SYNJ2: variants seen among roughly 807,000 people sequenced by gnomAD.
SYNJ2 encodes synaptojanin 2.
In SYNJ2, 116 loss-of-function variants were observed where a neutral mutation model predicts 141.3. That is an observed-to-expected ratio of 0.82 (90% CI 0.71 to 0.96). The LOEUF (loss-of-function observed/expected upper bound fraction) is 0.96, where lower values mean the gene tolerates loss of function less well. SYNJ2 is among the 40% of genes least tolerant of loss of function. SYNJ2 has a pLI of 0.00. For synonymous variants in SYNJ2, 745 were observed against 777.7 expected (o/e 0.96, Z 0.70); for missense variants, 1,873 against 1,934.8 (o/e 0.97, Z 0.60).
intron 12 of SYNJ2, chr6:158,067,562 T>C (rs1331171680): frequency 3.0e-6 from 3 of 985,276 alleles, no homozygotes; most frequent in African/African-American, 3.5e-5. Flanking sequence ...GGTTTTTTTG[T>C]TTGTTTGTTT....
Position 158,033,627 on chromosome 6 carries a change from AC to A in SYNJ2, c.661del (p.Arg221ValfsTer3), listed in dbSNP as rs1290906524. The A allele has an allele frequency of 1.9e-6, 3 of 1,613,260 alleles. No homozygotes were observed. The East Asian group carries it at 6.7e-5, about 36-fold the overall frequency. On this transcript the variant is annotated frameshift_variant, in exon 4 of 27. Transcript: ENST00000355585. LOFTEE classifies it high-confidence loss of function. ...SCERTGTRFH[T>X]RGVNDDGHVS... ...TGAGCGCACAGGCACTCGCTTCCAC[AC>A]CCGTGGCGTGAACGACGACGGCCAT...
intron 3 of SYNJ2, among the ~76,000 whole-genome samples, chr6:158,029,622 G>A (rs980663986): frequency 1.8e-4 from 27 of 152,046 alleles, no homozygotes; most frequent in African/African-American, 6.3e-4. Flanking sequence ...CATAAGAGCC[G>A]ACGTCTGCTG....
At position 158,043,339 on chromosome 6, in the gene SYNJ2, GTCA is replaced by G; in HGVS notation, c.738_740del (p.Ser247del). ...AGATGATTTACATGGACGATGGAGT[GTCA>G]TCTTTTGTCCAGATCAGAGGCTCCG... On this transcript the variant is annotated inframe_deletion, in exon 5 of 27. Transcript: ENST00000355585. The surrounding 1 kb of genome is among the most constrained non-coding windows in gnomAD (Gnocchi z 4.0). 6.2e-7 allele frequency: 1 copy of G among 1,614,132 alleles called. No homozygotes were observed. Among genetic ancestry groups the G allele is most frequent in the Non-Finnish European group, 8.5e-7 (1 of 1,179,978 alleles).
Position 158,086,920 on chromosome 6 carries a change from C to G in SYNJ2, c.3274C>G (p.Pro1092Ala). The G allele has an allele frequency of 6.2e-7, 1 of 1,609,374 alleles. No homozygotes were observed. The highest frequency in any genetic ancestry group is 1.1e-5 in the South Asian group (1 of 91,084). ...CGTCGGGGAGTTCCGCCACCGTTCT[C>G]CGAGCAGGTCTCTGTCGGTCCCCAA... ...EAVGEFRHRSPSRSLSVPNRP... is the reference protein window; with the variant it reads ...EAVGEFRHRSASRSLSVPNRP... The change falls in exon 23 of 27, where the codon CCG (proline) becomes GCG (alanine). Residue 1092 changes from proline to alanine, a missense_variant. Pro to Ala is a conservative substitution (Grantham distance 27). Transcript: ENST00000355585.
chr6:158,007,067 A>C (rs1394662203), intron 1 of SYNJ2, among the ~76,000 whole-genome samples: 3 of 151,732 alleles, frequency 2.0e-5, no homozygotes, highest in Non-Finnish European at 4.4e-5. Context: ...CCAGGTTCAG[A>C]TGATCCTCTC....
upstream of SYNJ2, among the ~76,000 whole-genome samples, chr6:157,981,628 A>G (rs1429971557): frequency 6.6e-6 from 1 of 151,958 alleles, no homozygotes; most frequent in East Asian, 1.9e-4. This position sits in a 1 kb window ranked among gnomAD's most constrained non-coding sequence, Gnocchi z 6.4. Context: ...CCTCCTCCGC[A>G]GCGAGGAATG....
At chr6:158,080,125 C>G (rs1782578449) in intron 18 of SYNJ2, among the ~76,000 whole-genome samples, 1 of 152,136 alleles carries the variant, frequency 6.6e-6, no homozygotes, top group East Asian at 1.9e-4. Flanking sequence ...TTACATTATT[C>G]CTAATGATTG....
chr6:158,093,150 A>T (rs1310643348), intron 26 of SYNJ2, 46 bp downstream of exon 26: 2 of 1,568,492 alleles, frequency 1.3e-6, no homozygotes, highest in Non-Finnish European at 1.7e-6. Context: ...AGTTGCTCAC[A>T]TGTCTCGATA....
chr6:158,060,345 C>T (rs368773322), intron 7 of SYNJ2, among the ~76,000 whole-genome samples: 121 of 152,294 alleles, frequency 7.9e-4, no homozygotes, highest in African/African-American at 2.8e-3. Context: ...CTCCAGCCCC[C>T]GCCCCCTGCT....
In SYNJ2 at chr6:158,097,249, T is replaced by A. The variant is rs1783841619; in HGVS notation, c.*885T>A. On this transcript the variant is annotated 3_prime_UTR_variant, in exon 27 of 27. Transcript: ENST00000355585. ...GCGATATTGATTCTCATTGTTAGAA[T>A]ATGGAGAGTGTTTCAGCCTCGTCTG... 1 of 152,194 alleles carries A rather than the reference T, an allele frequency of 6.6e-6. No individual in the cohort carries two copies. The highest frequency in any genetic ancestry group is 1.5e-5 in the Non-Finnish European group (1 of 68,034). The allele number at this position is 152,194 out of a possible 1,614,324, so 9.4% of individuals were successfully genotyped here. A position where few individuals can be genotyped will look rare whatever the true frequency, so the allele number is the denominator to read the frequency against.
chr6:158,048,373 G>A (rs1451909437), intron 5 of SYNJ2, among the ~76,000 whole-genome samples: 1 of 152,172 alleles, frequency 6.6e-6, no homozygotes, highest in Non-Finnish European at 1.5e-5. Context: ...AGTGATCAGG[G>A]AGCATCACTG....
rs563568736 is a variant in SYNJ2 at position 158,043,167 on chromosome 6, C to T, written c.712-149C>T. On this transcript the variant is annotated intron_variant, in intron 4 of 26. Transcript: ENST00000355585. This position sits in a 1 kb window ranked among gnomAD's most constrained non-coding sequence, Gnocchi z 4.0. ...CTGGCGAGAGGTCAGGGCGCATTGCCGGATGGGGGAGCAGAGGACGCCGGA... is the reference window on the plus strand; with the variant it reads ...CTGGCGAGAGGTCAGGGCGCATTGCTGGATGGGGGAGCAGAGGACGCCGGA... 1.1e-4 allele frequency: 72 copies of T among 638,902 alleles called. No homozygotes were observed. The African/African-American group carries it at 1.3e-3, about 11-fold the overall frequency. 39.6% of individuals were successfully genotyped at this position (638,902 alleles called of 1,614,324 possible).
At chr6:158,044,563 G>C (rs1044286666) in intron 5 of SYNJ2, among the ~76,000 whole-genome samples, 11 of 152,220 alleles carry the variant, frequency 7.2e-5, no homozygotes, top group African/African-American at 2.7e-4. Flanking sequence ...CTGTGACACA[G>C]AAACTCCTCC....
chr6:158,087,031 GA>G (rs1256560417), intron 23 of SYNJ2, 42 bp downstream of exon 23: 1 of 1,576,312 alleles, frequency 6.3e-7, no homozygotes, highest in Non-Finnish European at 8.6e-7. Context: ...TGCCTGCCAG[GA>G]ATAACCGCGC....
At chr6:158,013,925 G>C (rs1262158885) in intron 1 of SYNJ2, among the ~76,000 whole-genome samples, 1 of 152,204 alleles carries the variant, frequency 6.6e-6, no homozygotes, top group Non-Finnish European at 1.5e-5. Context: ...CTGTATTCAG[G>C]TTTGTGTTCT....
intron 1 of SYNJ2, among the ~76,000 whole-genome samples, chr6:157,989,907 C>CTG (rs994950360): frequency 2.9e-5 from 4 of 139,418 alleles, no homozygotes; most frequent in African/African-American, 1.0e-4. Context: ...GTGGGCTTTT[C>CTG]TGGGGGGGGC....
intron 2 of SYNJ2, among the ~76,000 whole-genome samples, chr6:158,026,132 G>A (rs576952634): frequency 8.3e-4 from 127 of 152,310 alleles, no homozygotes; most frequent in Non-Finnish European, 1.4e-3. Context: ...GTGCTTGGGC[G>A]GGTGATTCAG....
At chr6:158,032,121 C>T (rs1356801742) in intron 3 of SYNJ2, among the ~76,000 whole-genome samples, 2 of 151,762 alleles carry the variant, frequency 1.3e-5, no homozygotes, top group South Asian at 2.1e-4. Context: ...GGGTCAGACG[C>T]GGGCTGTGCT....
intron 2 of SYNJ2, among the ~76,000 whole-genome samples, chr6:158,018,786 A>G (rs1456673225): frequency 6.6e-6 from 1 of 152,250 alleles, no homozygotes; most frequent in Non-Finnish European, 1.5e-5. Flanking sequence ...AGAAGCTTCA[A>G]GTAACTTGCC....
Sources: allele counts gnomAD v4.1 joint callset (sites outside exome capture counted in the v4.1 genomes callset), GRCh38; gene constraint gnomAD v4.1.1; non-coding constraint Gnocchi (gnomAD v3.1); transcripts MANE v1.5; gene names NCBI Gene and HGNC (gene_info 2026-07-23, HGNC 2026-07-21).